The following SYNE1 variants were observed in gnomAD, a reference collection of about 807,000 sequenced individuals.
SYNE1 encodes the protein spectrin repeat containing nuclear envelope protein 1, also known as nesprin-1.
Under a neutral mutation model 1,111.0 loss-of-function variants are expected in SYNE1, and 616 were observed. The observed-to-expected ratio is 0.55, with a 90% CI of 0.52 to 0.59. The LOEUF is 0.59. Ranked by LOEUF, SYNE1 falls within the 20% of genes least tolerant of loss-of-function variation. The pLI is 0.00. For missense variants in SYNE1, 10,006 were observed against 10,417.0 expected (o/e 0.96, Z 1.72); for synonymous variants, 3,855 against 3,825.8 (o/e 1.01, Z -0.28).
chr6:152,448,371 G>A (rs1404594263), intron 28 of SYNE1, among the ~76,000 whole-genome samples: 1 of 152,168 alleles, frequency 6.6e-6, no homozygotes, highest in Non-Finnish European at 1.5e-5. Flanking sequence ...GCTTTGCCAG[G>A]GCAAATGCAC....
intron 81 of SYNE1, 98 bp from the exon 82 acceptor site, chr6:152,323,835 T>C (rs1006338052): frequency 2.2e-6 from 3 of 1,362,130 alleles, no homozygotes; most frequent in Non-Finnish European, 3.1e-6. Context: ...ATGAAGCCAA[T>C]TAAAGATGAT....
Position 152,255,100 on chromosome 6 carries a change from T to C in SYNE1, c.19261-11A>G, listed in dbSNP as rs1234065928. 5.7e-6 allele frequency: 9 copies of C among 1,576,096 alleles called. No individual in the cohort carries two copies. The highest frequency in any genetic ancestry group is 1.3e-5 in the African/African-American group (1 of 74,242). ...GTCTTTGGCAAGAATCTAGAGGTGA[T>C]AAAAGGGCATTTTTCAGTGTTTAGA... On this transcript the variant is annotated splice_polypyrimidine_tract_variant and intron_variant, in intron 103 of 145. Transcript: ENST00000367255.
rs1409950017 is a variant in SYNE1, at chr6:152,502,652, G to C, written c.869C>G (p.Thr290Ser). 1.6e-5 allele frequency: 26 copies of C among 1,613,348 alleles called. No individual in the cohort carries two copies. Among genetic ancestry groups the C allele is most frequent in the Non-Finnish European group, 2.1e-5 (25 of 1,179,508 alleles). Residue 290 changes from threonine to serine, a missense_variant, in exon 10 of 146, where the codon ACT becomes AGT. Physicochemically the swap from Thr to Ser is moderately conservative, Grantham distance 58 (BLOSUM62 1). Coordinates refer to ENST00000367255, the MANE Select transcript of SYNE1 (RefSeq NM_182961.4). Reference protein sequence around the residue: ...KHYPDIHNASTDGQEDDEILP... With the variant: ...KHYPDIHNASSDGQEDDEILP... ...ACCTACATCATCCTCTTGCCCATCA[G>C]TGCTTGCATTGTGGATGTCAGGATA... is the stretch of plus-strand genomic sequence containing the variant.
At chr6:152,396,645 T>G (rs1052537067) in intron 50 of SYNE1, 130 bp downstream of exon 50, 1 of 941,808 alleles carries the variant, frequency 1.1e-6, no homozygotes, top group Non-Finnish European at 1.7e-6. Flanking sequence ...CCTGTATTTA[T>G]GATCAAAGCT....
In SYNE1 at chr6:152,430,362, T is replaced by C; in HGVS notation, c.4689+120A>G. 2.7e-6 allele frequency: 3 copies of C among 1,131,976 alleles called. No individual in the cohort carries two copies. The South Asian group carries it at 3.9e-5, about 15-fold the overall frequency. 70.1% of individuals were successfully genotyped at this position (1,131,976 alleles called of 1,614,324 possible). A position where few individuals can be genotyped will look rare whatever the true frequency, so the allele number is the denominator to read the frequency against. On this transcript the variant is annotated intron_variant, in intron 35 of 145. Coordinates refer to ENST00000367255, the MANE Select transcript of SYNE1 (RefSeq NM_182961.4). The stretch of plus-strand genomic sequence containing the variant: ...TCTTTAAACATCTAAAATCAACATG[T>C]CCCATTATTTCACAAATTATGTCTT...
rs184006845 is a variant in SYNE1, at chr6:152,367,293, C to T, written c.9897G>A (p.Ala3299=). The change falls in exon 62 of 146, where the codon GCG becomes GCA. Residue 3299 remains alanine, a synonymous_variant. Coordinates refer to ENST00000367255, the MANE Select transcript of SYNE1 (RefSeq NM_182961.4). ...GGCAGTATGAATCCAGCATGTGAAT[C>T]GCATCCGTCATCCAGTCTTGTAATT... ...IKELQDWMTD[A]IHMLDSYCHP... The T allele has an allele frequency of 9.5e-5, 153 of 1,614,058 alleles. No homozygotes were observed. The highest frequency in any genetic ancestry group is 1.2e-4 in the Non-Finnish European group (138 of 1,180,036).
intron 102 of SYNE1, among the ~76,000 whole-genome samples, chr6:152,256,030 T>C (rs1435780034): frequency 6.7e-6 from 1 of 148,776 alleles, no homozygotes; most frequent in Non-Finnish European, 1.5e-5. Context: ...ACCCAGGAGG[T>C]GGAGGCTGCA....
chr6:152,428,307 C>T lies in SYNE1; in HGVS notation c.4874G>A (p.Cys1625Tyr), dbSNP rs1273274051. 3.7e-6 allele frequency: 6 copies of T among 1,614,160 alleles called. No individual in the cohort carries two copies. The highest frequency in any genetic ancestry group is 5.1e-6 in the Non-Finnish European group (6 of 1,180,026). ...SARKVVNRDS[C>Y]VQEAAALQQQ... ...CTGTAGAGCCGCAGCCTCCTGAACA[C>T]AGGAATCTCTGTTCACAACCTTCCT... The change falls in exon 37 of 146, where the codon TGT becomes TAT. Residue 1625 changes from cysteine to tyrosine, a missense_variant. Transcript: ENST00000367255.
intron 106 of SYNE1, among the ~76,000 whole-genome samples, chr6:152,243,458 T>C (rs2086281661): frequency 6.6e-6 from 1 of 152,208 alleles, no homozygotes; most frequent in African/African-American, 2.4e-5. Context: ...ATTTGAGGCA[T>C]ACGGACCTGA....
chr6:152,488,388 T>C lies in SYNE1; in HGVS notation c.1047+8A>G. The C allele has an allele frequency of 6.6e-7, 1 of 1,506,508 alleles. No homozygotes were observed. The highest frequency in any genetic ancestry group is 9.2e-7 in the Non-Finnish European group (1 of 1,085,130). The allele number at this position is 1,506,508 out of a possible 1,614,324, so 93.3% of individuals were successfully genotyped here. On this transcript the variant is annotated splice_region_variant and intron_variant, in intron 12 of 145. Coordinates refer to ENST00000367255, the MANE Select transcript of SYNE1 (RefSeq NM_182961.4). ...TTGAAAAATTCAAAAATCTTCTCCATACAATACCTGATATTTATCCTGTAA... is the reference window on the plus strand; with the variant it reads ...TTGAAAAATTCAAAAATCTTCTCCACACAATACCTGATATTTATCCTGTAA...
At chr6:152,215,901 C>T (rs961375105) in intron 121 of SYNE1, among the ~76,000 whole-genome samples, 4 of 152,172 alleles carry the variant, frequency 2.6e-5, no homozygotes, top group Non-Finnish European at 5.9e-5. Context: ...TATGAAGTGA[C>T]CACACATTTT....
At chr6:152,373,352 T>A in intron 58 of SYNE1, 133 bp from the exon 59 acceptor site, 1 of 787,176 alleles carries the variant, frequency 1.3e-6, no homozygotes, top group Non-Finnish European at 2.0e-6. Context: ...CGATCTCGGC[T>A]CACTGCAGCC....
Position 152,353,586 on chromosome 6 carries a change from C to T in SYNE1, c.11082+3G>A, listed in dbSNP as rs757041933. 15 of 1,614,234 alleles carry T rather than the reference C, an allele frequency of 9.3e-6. No homozygotes were observed. Among genetic ancestry groups the T allele is most frequent in the Non-Finnish European group, 1.3e-5 (15 of 1,180,052 alleles). On this transcript the variant is annotated splice_donor_region_variant and intron_variant, in intron 68 of 145. Coordinates refer to ENST00000367255, the MANE Select transcript of SYNE1 (RefSeq NM_182961.4). Reference sequence around the variant, plus strand: ...TATGCTGAGCACCTGGTGACCCACTCACCAGCACTTGGAGAAGCAGGGCCT... The same window carrying T: ...TATGCTGAGCACCTGGTGACCCACTTACCAGCACTTGGAGAAGCAGGGCCT...
chr6:152,176,337 A>T, intron 130 of SYNE1, 57 bp downstream of exon 130: 1 of 1,608,096 alleles, frequency 6.2e-7, no homozygotes, highest in Non-Finnish European at 8.5e-7. Flanking sequence ...TGAAAGGCAG[A>T]CTGAAAGGCT....
At chr6:152,548,878 G>C (rs1361254006) in intron 3 of SYNE1, among the ~76,000 whole-genome samples, 1 of 152,148 alleles carries the variant, frequency 6.6e-6, no homozygotes, top group African/African-American at 2.4e-5. Context: ...TAATGCAGCA[G>C]AAATTACTTT....
chr6:152,428,314 C>G lies in SYNE1; in HGVS notation c.4867G>C (p.Asp1623His), dbSNP rs1278226302. Residue 1623 changes from aspartate to histidine, a missense_variant, in exon 37 of 146, where the codon GAT becomes CAT. This residue lies in a region of SYNE1 where 1,971 missense variants were observed against 2,084.1 expected (regional missense o/e 0.95). Coordinates refer to ENST00000367255, the MANE Select transcript of SYNE1 (RefSeq NM_182961.4). The stretch of plus-strand genomic sequence containing the variant: ...GCCGCAGCCTCCTGAACACAGGAAT[C>G]TCTGTTCACAACCTTCCTGGCACTG... ...SASARKVVNR[D>H]SCVQEAAALQ... is the part of the protein sequence containing the mutation. 6.2e-7 allele frequency: 1 copy of G among 1,614,030 alleles called. No individual in the cohort carries two copies. Among genetic ancestry groups the G allele is most frequent in the Non-Finnish European group, 8.5e-7 (1 of 1,180,036 alleles).
intron 115 of SYNE1, among the ~76,000 whole-genome samples, chr6:152,228,948 C>T (rs866316146): frequency 2.0e-5 from 3 of 152,100 alleles, no homozygotes; most frequent in African/African-American, 7.2e-5. Flanking sequence ...ACTATTATTA[C>T]TTCAAGGTAT....
At chr6:152,605,237 GT>G (rs1331891537) in intron 3 of SYNE1, among the ~76,000 whole-genome samples, 1 of 152,160 alleles carries the variant, frequency 6.6e-6, no homozygotes, top group East Asian at 1.9e-4. Context: ...AACCTTACTA[GT>G]TTTCCACTTG....
intron 98 of SYNE1, chr6:152,277,883 T>C: frequency 1.5e-6 from 1 of 652,958 alleles, no homozygotes; most frequent in Non-Finnish European, 2.8e-6. Flanking sequence ...CAGCTGTTGT[T>C]AGTAGTCCTA....
Sources: gnomAD v4.1 joint callset for allele counts (sites outside exome capture counted in the v4.1 genomes callset) on GRCh38, gnomAD v4.1.1 for gene constraint, gnomAD v4.1.1 regional missense constraint, MANE v1.5 for transcripts, NCBI Gene and HGNC (gene_info 2026-07-23, HGNC 2026-07-21) for gene names.